Variants in KIAA2012 observed in about 807,000 individuals in gnomAD.
The protein encoded by KIAA2012 is uncharacterized protein KIAA2012.
KIAA2012 carries 125 observed loss-of-function variants against 150.6 expected under a neutral mutation model. The ratio of observed to expected loss-of-function variants is 0.83; its 90% CI spans 0.72 to 0.96. The LOEUF (loss-of-function observed/expected upper bound fraction) is 0.96. Among genes scored for constraint, KIAA2012 ranks in the 40% least tolerant of loss-of-function variants. The pLI, the probability that KIAA2012 is intolerant of heterozygous loss-of-function variation, is 0.00. For missense variants in KIAA2012, 1,219 were observed against 1,354.9 expected, an observed-to-expected ratio of 0.90 and a Z score of 1.57; for synonymous variants, 462 against 504.7, an observed-to-expected ratio of 0.92 and a Z score of 1.13.
At chr2:202,097,286 T>C (rs1459646280) in intron 4 of KIAA2012, 149 bp from the exon 5 acceptor site, 2 of 1,310,906 alleles carry the variant, frequency 1.5e-6, no homozygotes, top group Admixed American at 5.3e-5. Flanking sequence ...GGAGGCACTA[T>C]CAGAAATACA....
rs114810313 is a variant in KIAA2012, at chr2:202,129,765, T to C, written c.1831+4483T>C. 2.0e-3 allele frequency among the ~76,000 whole-genome samples: 311 copies of C among 152,036 alleles called. 2 individuals are homozygous for C. The highest frequency in any genetic ancestry group is 7.1e-3 in the African/African-American group (295 of 41,452). ...GTTGGAGAATTACTTGAGGCTAGGA[T>C]TCAAGACCACCCCGGCCAACATAGC... On this transcript the variant is annotated intron_variant, in intron 12 of 23. Coordinates refer to ENST00000498697, the MANE Select transcript of KIAA2012 (RefSeq NM_001277372.4).
rs1246216581 is a variant in KIAA2012, at chr2:202,074,902, C to A, written c.96C>A (p.Asn32Lys). Residue 32 changes from asparagine to lysine, a missense_variant, in exon 2 of 24, where the codon AAC becomes AAA. Coordinates refer to ENST00000498697, the MANE Select transcript of KIAA2012 (RefSeq NM_001277372.4). Reference sequence around the variant, plus strand: ...GCTTCTCATTGCAGGATTACTTGAACTGGAGGTCCCCAGAAGACTATGTTC... The same window carrying A: ...GCTTCTCATTGCAGGATTACTTGAAATGGAGGTCCCCAGAAGACTATGTTC... ...EVYFEPEDYL[N>K]WRSPEDYVPV... 1.3e-6 allele frequency: 2 copies of A among 1,546,296 alleles called. No individual in the cohort carries two copies. Among genetic ancestry groups the A allele is most frequent in the South Asian group, 2.4e-5 (2 of 83,100 alleles).
intron 14 of KIAA2012, among the ~76,000 whole-genome samples, chr2:202,164,942 C>CT (rs553724257): frequency 0.076 from 11,138 of 147,414 alleles, 506 homozygotes; most frequent in Non-Finnish European, 0.1. Flanking sequence ...CTGGCTTTTT[C>CT]TTTTTTTTTT....
chr2:202,085,692 T>C (rs1689550680), intron 2 of KIAA2012, among the ~76,000 whole-genome samples: 1 of 152,162 alleles, frequency 6.6e-6, no homozygotes, highest in African/African-American at 2.4e-5. Flanking sequence ...ACTAAATGTA[T>C]GGTAATTTGT....
chr2:202,166,322 A>G (rs937280745), intron 15 of KIAA2012, among the ~76,000 whole-genome samples: 2 of 152,230 alleles, frequency 1.3e-5, no homozygotes, highest in Non-Finnish European at 2.9e-5. Context: ...AAGAAAAAAG[A>G]AGAGGGAGTG....
intron 2 of KIAA2012, among the ~76,000 whole-genome samples, chr2:202,086,775 C>T (rs547710132): frequency 5.9e-5 from 9 of 152,164 alleles, no homozygotes; most frequent in Non-Finnish European, 7.3e-5. Context: ...AAATCTAGAG[C>T]GCTTTCCCAG....
intron 18 of KIAA2012, among the ~76,000 whole-genome samples, chr2:202,188,819 G>T (rs544117587): frequency 1.6e-4 from 24 of 152,286 alleles, no homozygotes; most frequent in African/African-American, 5.5e-4. Context: ...CACAAGTGTT[G>T]AATGATCCTC....
intron 14 of KIAA2012, among the ~76,000 whole-genome samples, chr2:202,157,123 C>T (rs1469674254): frequency 6.6e-6 from 1 of 152,164 alleles, no homozygotes; most frequent in Non-Finnish European, 1.5e-5. Flanking sequence ...ACGAAGTACA[C>T]GCTCGGTACA....
At chr2:202,119,015 G>A (rs974114167) in intron 11 of KIAA2012, among the ~76,000 whole-genome samples, 3 of 152,128 alleles carry the variant, frequency 2.0e-5, no homozygotes, top group East Asian at 1.9e-4. Flanking sequence ...AATAGCTTGC[G>A]GCCAGGCGCG....
intron 13 of KIAA2012, among the ~76,000 whole-genome samples, chr2:202,139,808 C>T (rs1238470282): frequency 6.6e-6 from 1 of 151,862 alleles, no homozygotes; most frequent in Non-Finnish European, 1.5e-5. Context: ...CTAAGGAAAA[C>T]ATAATATGGT....
chr2:202,191,456 C>G (rs758855432), intron 19 of KIAA2012, among the ~76,000 whole-genome samples: 1 of 151,436 alleles, frequency 6.6e-6, no homozygotes, highest in Non-Finnish European at 1.5e-5. Flanking sequence ...AAGGCAGGAG[C>G]ATTGCTTGAG....
At chr2:202,159,685 A>T (rs1173014536) in intron 14 of KIAA2012, among the ~76,000 whole-genome samples, 1 of 152,152 alleles carries the variant, frequency 6.6e-6, no homozygotes, top group Middle Eastern at 3.2e-3. Flanking sequence ...TACTAAAAAT[A>T]TAAAAAATTA....
intron 13 of KIAA2012, among the ~76,000 whole-genome samples, chr2:202,144,470 A>T (rs1293478543): frequency 6.6e-6 from 1 of 152,144 alleles, no homozygotes; most frequent in Non-Finnish European, 1.5e-5. Flanking sequence ...GATGGTGTTC[A>T]TATCCCCGTC....
chr2:202,115,885 A>T (rs1441663306), intron 11 of KIAA2012: 1 of 148,464 alleles, frequency 6.7e-6, no homozygotes, highest in Non-Finnish European at 1.5e-5. Context: ...TTCAGACAGC[A>T]TAGGGAAATG....
rs555779664 is a variant in KIAA2012, at chr2:202,081,105, G to A, written c.369+5930G>A. On this transcript the variant is annotated intron_variant, in intron 2 of 23. Transcript: ENST00000498697. ...GAAAGCATACAGTTGTATCCTTTGCGGCTAACTTGTTTCACTTAGCATAAT... is the reference window on the plus strand; with the variant it reads ...GAAAGCATACAGTTGTATCCTTTGCAGCTAACTTGTTTCACTTAGCATAAT... Among the ~76,000 whole-genome samples the A allele has an allele frequency of 2.7e-4, 41 of 152,232 alleles. No homozygotes were observed. In the South Asian group the frequency reaches 3.5e-3, roughly 13 times the overall value.
chr2:202,163,406 A>G (rs3856505), intron 14 of KIAA2012, among the ~76,000 whole-genome samples: 122,469 of 152,186 alleles, frequency 0.8, 49,560 homozygotes, highest in East Asian at 0.88. Context: ...CTGGCCACAT[A>G]TGTATTCTTA....
At chr2:202,139,437 G>A (rs957794707) in intron 13 of KIAA2012, among the ~76,000 whole-genome samples, 2 of 152,088 alleles carry the variant, frequency 1.3e-5, no homozygotes, top group African/African-American at 4.8e-5. Flanking sequence ...AGCTCCAGGG[G>A]ACTCCCAGGT....
chr2:202,196,811 C>G lies in KIAA2012; in HGVS notation c.3199C>G (p.Gln1067Glu), dbSNP rs1426766398. 1 of 1,550,120 alleles carries G rather than the reference C, an allele frequency of 6.5e-7. No individual in the cohort carries two copies. Among genetic ancestry groups the G allele is most frequent in the Admixed American group, 2.0e-5 (1 of 50,962 alleles). The change falls in exon 22 of 24, where the codon CAA becomes GAA. Residue 1067 changes from glutamine to glutamate, a missense_variant. Transcript: ENST00000498697. ...TTTCTATTCTGCAGAGGCAGAGAAG[C>G]AAAGGCAAGAGGAATTGGAAATGCA... ...EEAERAEAEK[Q>E]RQEELEMQLE...
intron 12 of KIAA2012, chr2:202,135,648 C>G (rs1339348204): frequency 6.6e-6 from 1 of 152,210 alleles, no homozygotes; most frequent in Non-Finnish European, 1.5e-5. Flanking sequence ...CTGACTGATT[C>G]ATTCTCCTGG....
Sources: gnomAD v4.1 joint callset for allele counts (sites outside exome capture counted in the v4.1 genomes callset) on GRCh38, gnomAD v4.1.1 for gene constraint, MANE v1.5 for transcripts, NCBI Gene and HGNC (gene_info 2026-07-23, HGNC 2026-07-21) for gene names.